CADPS2: variants seen among roughly 807,000 people sequenced by gnomAD.
CADPS2 encodes the protein calcium-dependent secretion activator 2.
Under a neutral mutation model 172.5 loss-of-function variants are expected in CADPS2, and 93 were observed. That is an observed-to-expected ratio of 0.54 (90% CI 0.46 to 0.64). The LOEUF (loss-of-function observed/expected upper bound fraction) is 0.64, where lower values mean the gene tolerates loss of function less well. Ranked by LOEUF, CADPS2 falls within the 30% of genes least tolerant of loss-of-function variation. The pLI is 0.00. For synonymous variants in CADPS2, 546 were observed against 555.2 expected, an observed-to-expected ratio of 0.98 and a Z score of 0.23; for missense variants, 1,420 against 1,565.9, an observed-to-expected ratio of 0.91 and a Z score of 1.57.
At chr7:122,868,004 C>T (rs1818745177) in intron 1 of CADPS2, among the ~76,000 whole-genome samples, 1 of 152,112 alleles carries the variant, frequency 6.6e-6, no homozygotes, top group African/African-American at 2.4e-5. Flanking sequence ...GAAATCTCTT[C>T]CTGCTAGAAG....
At chr7:122,424,391 A>G (rs1014593874) in intron 17 of CADPS2, 6 of 927,126 alleles carry the variant, frequency 6.5e-6, no homozygotes, top group Non-Finnish European at 7.7e-6. Context: ...ACAAAGGAGA[A>G]TTGGCCACTA....
intron 20 of CADPS2, among the ~76,000 whole-genome samples, chr7:122,404,784 G>A (rs1004140915): frequency 1.3e-5 from 2 of 152,070 alleles, no homozygotes; most frequent in South Asian, 4.1e-4. Context: ...ATCTAAGTAT[G>A]TTTGATTCTT....
chr7:122,699,470 C>T (rs944110152), intron 2 of CADPS2, among the ~76,000 whole-genome samples: 2 of 152,088 alleles, frequency 1.3e-5, no homozygotes, highest in Non-Finnish European at 2.9e-5. Flanking sequence ...AAAATTAGTG[C>T]AGTGACCGGA....
intron 27 of CADPS2, among the ~76,000 whole-genome samples, chr7:122,360,356 T>C (rs554359093): frequency 6.6e-6 from 1 of 152,240 alleles, no homozygotes; most frequent in Non-Finnish European, 1.5e-5. Context: ...AATAAGTAAC[T>C]ACTGATTTAT....
intron 8 of CADPS2, among the ~76,000 whole-genome samples, chr7:122,537,198 T>C (rs1367716536): frequency 6.6e-6 from 1 of 151,442 alleles, no homozygotes; most frequent in Non-Finnish European, 1.5e-5. Context: ...TCAAGAAGCA[T>C]GTATACAACT....
chr7:122,824,477 A>T (rs1427059445), intron 1 of CADPS2, among the ~76,000 whole-genome samples: 9 of 152,218 alleles, frequency 5.9e-5, no homozygotes, highest in Non-Finnish European at 1.2e-4. Flanking sequence ...ATCTCATTAC[A>T]GTTTAATTTT....
At chr7:122,408,023 A>G (rs2158412) in intron 19 of CADPS2, among the ~76,000 whole-genome samples, 65,535 of 151,884 alleles carry the variant, frequency 0.43, 14,481 homozygotes, top group African/African-American at 0.52. Context: ...AATTTAAACA[A>G]GTCTATTCTG....
chr7:122,469,036 T>C (rs1478537420), intron 14 of CADPS2, among the ~76,000 whole-genome samples: 3 of 152,234 alleles, frequency 2.0e-5, no homozygotes, highest in Non-Finnish European at 4.4e-5. Context: ...ATATTAAAGA[T>C]AATATATGCA....
intron 2 of CADPS2, among the ~76,000 whole-genome samples, chr7:122,674,091 C>T (rs951147960): frequency 3.3e-5 from 5 of 152,238 alleles, no homozygotes; most frequent in East Asian, 1.9e-4. Flanking sequence ...CCTTACTTCC[C>T]GGGGCCAGCG....
chr7:122,393,629 G>C (rs374828462), intron 20 of CADPS2, 47 bp from the exon 21 acceptor site: 291 of 1,607,614 alleles, frequency 1.8e-4, no homozygotes, highest in Non-Finnish European at 2.4e-4. Flanking sequence ...GATAATATCA[G>C]ACATTTGGAA....
At chr7:122,592,251 T>A (rs1317142009) in intron 6 of CADPS2, among the ~76,000 whole-genome samples, 2 of 152,116 alleles carry the variant, frequency 1.3e-5, no homozygotes, top group African/African-American at 2.4e-5. Context: ...TCATCATCAC[T>A]GGCCATCAGA....
intron 8 of CADPS2, among the ~76,000 whole-genome samples, chr7:122,519,152 T>TA (rs1180376761): frequency 6.6e-6 from 1 of 152,078 alleles, no homozygotes; most frequent in Non-Finnish European, 1.5e-5. Flanking sequence ...TGAATGGGGT[T>TA]AAAAGAGGTA....
At chr7:122,878,879 T>C (rs189576780) in intron 1 of CADPS2, among the ~76,000 whole-genome samples, 22 of 152,234 alleles carry the variant, frequency 1.4e-4, no homozygotes, top group Admixed American at 9.2e-4. Context: ...CAATAAATAG[T>C]TTACCAAGGA....
At chr7:122,592,450 A>T (rs2070989268) in intron 6 of CADPS2, among the ~76,000 whole-genome samples, 1 of 151,880 alleles carries the variant, frequency 6.6e-6, no homozygotes, top group African/African-American at 2.4e-5. Context: ...GGGATCTAGA[A>T]CTAGAAATAC....
At chr7:122,677,472 G>T (rs796446618) in intron 2 of CADPS2, among the ~76,000 whole-genome samples, 2 of 152,204 alleles carry the variant, frequency 1.3e-5, no homozygotes, top group Non-Finnish European at 2.9e-5. Flanking sequence ...GTCAGGCCTG[G>T]AAAGTGCTCT....
intron 2 of CADPS2, chr7:122,702,598 C>G (rs771162238): frequency 5.6e-6 from 9 of 1,613,544 alleles, no homozygotes; most frequent in African/African-American, 1.3e-5. Context: ...CCGATGTGAT[C>G]TCATTTCCAA....
intron 6 of CADPS2, among the ~76,000 whole-genome samples, chr7:122,612,010 C>CT (rs2074360038): frequency 6.6e-6 from 1 of 151,920 alleles, no homozygotes; most frequent in South Asian, 2.1e-4. Flanking sequence ...AATCAAACAC[C>CT]TTTTCATTAT....
chr7:122,562,692 CT>C (rs1385076513), intron 7 of CADPS2, among the ~76,000 whole-genome samples: 1 of 152,002 alleles, frequency 6.6e-6, no homozygotes, highest in Non-Finnish European at 1.5e-5. Context: ...TAAATTTCTC[CT>C]CATAAGTGTG....
At chr7:122,399,346 A>G (rs1164401363) in intron 20 of CADPS2, among the ~76,000 whole-genome samples, 27 of 152,154 alleles carry the variant, frequency 1.8e-4, no homozygotes. Flanking sequence ...TTATACATGT[A>G]TTTGCAAGGA....
Sources: allele counts gnomAD v4.1 joint callset (sites outside exome capture counted in the v4.1 genomes callset), GRCh38; gene constraint gnomAD v4.1.1; transcripts MANE v1.5; gene names NCBI Gene and HGNC (gene_info 2026-07-23, HGNC 2026-07-21).